The following OXSR1 variants were observed in gnomAD, a reference collection of about 807,000 sequenced individuals.
The protein encoded by OXSR1 is serine/threonine-protein kinase OSR1.
OXSR1 carries 24 observed loss-of-function variants against 79.8 expected under a neutral mutation model. The ratio of observed to expected loss-of-function variants is 0.30; its 90% CI spans 0.22 to 0.42. The LOEUF is 0.42. Ranked by LOEUF, OXSR1 falls within the 10% of genes least tolerant of loss-of-function variation. OXSR1 has a pLI of 1.00. For missense variants in OXSR1, 430 were observed against 618.4 expected (o/e 0.70, Z 3.23); for synonymous variants, 226 against 209.2 (o/e 1.08, Z -0.69).
intron 7 of OXSR1, 86 bp from the exon 8 acceptor site, chr3:38,224,485 G>T: frequency 1.0e-6 from 1 of 960,856 alleles, no homozygotes; most frequent in Non-Finnish European, 1.6e-6. Flanking sequence ...GTTGGTCGGG[G>T]GGTGCCTGTA....
intron 1 of OXSR1, among the ~76,000 whole-genome samples, chr3:38,178,620 A>ATATTTT (rs1265646743): frequency 1.1e-5 from 1 of 95,104 alleles, no homozygotes; most frequent in Non-Finnish European, 2.0e-5. Flanking sequence ...ATATATATAT[A>ATATTTT]TTTTTTTTTT....
At chr3:38,202,948 ACT>A (rs1419011454) in intron 4 of OXSR1, among the ~76,000 whole-genome samples, 1 of 151,824 alleles carries the variant, frequency 6.6e-6, no homozygotes, top group Non-Finnish European at 1.5e-5. Flanking sequence ...GTCAGGGAAC[ACT>A]CTTTTCCACC....
rs1702478674 is a variant in OXSR1 at position 38,216,144 on chromosome 3, G to A, written c.483G>A (p.Gln161=). The A allele has an allele frequency of 3.8e-6, 6 of 1,571,872 alleles. No individual in the cohort carries two copies. In the East Asian group the frequency reaches 1.3e-4, roughly 35 times the overall value. The change falls in exon 5 of 18, where the codon CAG becomes CAA. Residue 161 remains glutamine (Q), a synonymous_variant. Coordinates refer to ENST00000311806, the MANE Select transcript of OXSR1 (RefSeq NM_005109.3). ...NILLGEDGSV[Q]IADFGVSAFL... ...TTCTTGGAGAAGATGGCTCAGTACA[G>A]ATTGCAGGTAATGATTAGTATTTCT... is the stretch of plus-strand genomic sequence containing the variant.
intron 10 of OXSR1, among the ~76,000 whole-genome samples, chr3:38,232,782 TAAAAA>T: frequency 6.6e-6 from 1 of 151,492 alleles, no homozygotes. Context: ...AAAAAGAGAA[TAAAAA>T]GAAAAGGCAT....
chr3:38,191,201 A>G (rs1016722934), intron 3 of OXSR1, among the ~76,000 whole-genome samples: 2 of 151,782 alleles, frequency 1.3e-5, no homozygotes, highest in Admixed American at 6.6e-5. Flanking sequence ...ATGTACCACC[A>G]TGCTCAGTTA....
intron 4 of OXSR1, among the ~76,000 whole-genome samples, chr3:38,208,261 G>A (rs1314379411): frequency 3.3e-5 from 5 of 151,966 alleles, no homozygotes. Flanking sequence ...CAATTGATTA[G>A]GTACAGTTTT....
At chr3:38,202,952 T>C (rs1168609344) in intron 4 of OXSR1, among the ~76,000 whole-genome samples, 1 of 152,130 alleles carries the variant, frequency 6.6e-6, no homozygotes, top group African/African-American at 2.4e-5. Context: ...GGGAACACTC[T>C]TTTCCACCAG....
intron 13 of OXSR1, 27 bp downstream of exon 13, chr3:38,246,248 T>G: frequency 6.2e-7 from 1 of 1,611,964 alleles, no homozygotes; most frequent in Non-Finnish European, 8.5e-7. Context: ...GGTTTCATGG[T>G]CACTCCTTTG....
At chr3:38,172,793 A>G (rs576481313) in intron 1 of OXSR1, among the ~76,000 whole-genome samples, 3 of 152,320 alleles carry the variant, frequency 2.0e-5, no homozygotes, top group East Asian at 3.9e-4. Context: ...TAAGGCTTAC[A>G]TTTCTCTGCA....
chr3:38,202,031 A>G (rs904655248), intron 4 of OXSR1, among the ~76,000 whole-genome samples: 1 of 152,236 alleles, frequency 6.6e-6, no homozygotes, highest in Non-Finnish European at 1.5e-5. Context: ...AGGCTGATGG[A>G]AAATCAAGAC....
intron 15 of OXSR1, 104 bp from the exon 16 acceptor site, chr3:38,251,299 C>T (rs1575379715): frequency 1.1e-6 from 1 of 870,192 alleles, no homozygotes; most frequent in East Asian, 2.4e-5. Context: ...GATTTAGCAT[C>T]CAGCTTGGGC....
Position 38,165,954 on chromosome 3 carries a change from C to A in OXSR1, c.70+8C>A. On this transcript the variant is annotated splice_region_variant and intron_variant, in intron 1 of 17. Coordinates refer to ENST00000311806, the MANE Select transcript of OXSR1 (RefSeq NM_005109.3). ...AGCTGCAGGAGGTGATCGGTGAGAG[C>A]AGGCGCTGCGGAGGGGGGAGGCGCG... is the stretch of plus-strand genomic sequence containing the variant. The A allele has an allele frequency of 6.2e-7, 1 of 1,608,706 alleles. No homozygotes were observed. Among genetic ancestry groups the A allele is most frequent in the Non-Finnish European group, 8.5e-7 (1 of 1,177,974 alleles).
At chr3:38,244,020 G>T (rs28393980) in intron 12 of OXSR1, among the ~76,000 whole-genome samples, 6 of 152,174 alleles carry the variant, frequency 3.9e-5, no homozygotes, top group African/African-American at 1.2e-4. Flanking sequence ...GCCCCCGCTG[G>T]CGAGAGATAG....
At chr3:38,181,623 T>G (rs1223368452) in intron 1 of OXSR1, among the ~76,000 whole-genome samples, 1 of 152,178 alleles carries the variant, frequency 6.6e-6, no homozygotes, top group African/African-American at 2.4e-5. Flanking sequence ...GTGCTGGGAT[T>G]ACAGGCGTGA....
chr3:38,240,044 G>A (rs1205527415), intron 11 of OXSR1, among the ~76,000 whole-genome samples: 2 of 152,252 alleles, frequency 1.3e-5, no homozygotes, highest in East Asian at 3.9e-4. Flanking sequence ...TCTGGTCCCT[G>A]TTTATTCATC....
intron 6 of OXSR1, among the ~76,000 whole-genome samples, chr3:38,222,597 C>G (rs550719599): frequency 6.6e-6 from 1 of 152,280 alleles, no homozygotes; most frequent in Non-Finnish European, 1.5e-5. Context: ...ACACTACACA[C>G]TCCCCAAACC....
intron 1 of OXSR1, among the ~76,000 whole-genome samples, chr3:38,174,506 C>T (rs1398001334): frequency 2.6e-5 from 4 of 152,060 alleles, no homozygotes; most frequent in Non-Finnish European, 5.9e-5. Flanking sequence ...CGCTTGAACC[C>T]GAGTGACAGA....
In OXSR1 at chr3:38,203,635, A is replaced by T. The variant is rs974281105; in HGVS notation, c.434+4772A>T. On this transcript the variant is annotated intron_variant, in intron 4 of 17. Coordinates refer to ENST00000311806, the MANE Select transcript of OXSR1 (RefSeq NM_005109.3). ...GGATAAGATCCTGGGGAATTCTCTGATTACCAGGCAGAGACTCTTTTTCTC... is the reference window on the plus strand; with the variant it reads ...GGATAAGATCCTGGGGAATTCTCTGTTTACCAGGCAGAGACTCTTTTTCTC... Among the ~76,000 whole-genome samples, 4 of 152,088 alleles carry T rather than the reference A, an allele frequency of 2.6e-5. No individual in the cohort carries two copies. In the South Asian group the frequency reaches 8.3e-4, roughly 32 times the overall value.
rs574549879 is a variant in OXSR1, at chr3:38,214,503, C to G, written c.435-1593C>G. Among the ~76,000 whole-genome samples the G allele has an allele frequency of 6.6e-5, 10 of 151,878 alleles. No homozygotes were observed. In the South Asian group the frequency reaches 1.7e-3, roughly 25 times the overall value. ...GAGTGACTAAACTATACTTTTCTTC[C>G]CTCATTGGGTTTTAGGTGAGCTCAG... On this transcript the variant is annotated intron_variant, in intron 4 of 17. Transcript: ENST00000311806.
Sources: allele counts gnomAD v4.1 joint callset (sites outside exome capture counted in the v4.1 genomes callset), GRCh38; gene constraint gnomAD v4.1.1; transcripts MANE v1.5; gene names NCBI Gene and HGNC (gene_info 2026-07-23, HGNC 2026-07-21).